The following TEX14 variants were observed in gnomAD, a reference collection of about 807,000 sequenced individuals.
TEX14 encodes inactive serine/threonine-protein kinase TEX14.
TEX14 carries 168 observed loss-of-function variants against 178.6 expected under a neutral mutation model. The observed-to-expected ratio is 0.94, with a 90% CI of 0.83 to 1.07. TEX14 has a LOEUF of 1.07. Among genes scored for constraint, TEX14 ranks in the 50% least tolerant of loss-of-function variants. TEX14 has a pLI of 0.00. For missense variants in TEX14, 1,730 were observed against 1,753.6 expected (o/e 0.99, Z 0.24); for synonymous variants, 626 against 634.1 (o/e 0.99, Z 0.19).
chr17:58,566,349 G>A (rs2044397991), intron 26 of TEX14, among the ~76,000 whole-genome samples: 1 of 152,142 alleles, frequency 6.6e-6, no homozygotes, highest in Non-Finnish European at 1.5e-5. Context: ...GACAGTAAGT[G>A]GTAAAATTGG....
intron 19 of TEX14, among the ~76,000 whole-genome samples, chr17:58,581,317 T>TAA (rs879540710): frequency 7.5e-6 from 1 of 132,736 alleles, no homozygotes; most frequent in African/African-American, 2.8e-5. Context: ...TCTCAAAAAT[T>TAA]AAAAAAAAAA....
chr17:58,570,435 G>T lies in TEX14; in HGVS notation c.3767C>A (p.Ala1256Glu), dbSNP rs753025121. The part of the protein sequence containing the change: ...IGAGSPSLVK[A>E]CDSSPPHATQ... ...GGCATGGGGTGGTGATGAGTCACAT[G>T]CCTTAACAAGGCTGGGGGATCCAGC... is the stretch of plus-strand genomic sequence containing the variant. The change falls in exon 25 of 32, where the codon GCA becomes GAA. Residue 1256 changes from alanine to glutamate, a missense_variant. By Grantham distance (107) the Ala-to-Glu change is moderately radical. Transcript: ENST00000349033. 2 of 1,523,602 alleles carry T rather than the reference G, an allele frequency of 1.3e-6. No individual in the cohort carries two copies. Among genetic ancestry groups the T allele is most frequent in the African/African-American group, 1.5e-5 (1 of 68,562 alleles). 94.4% of individuals were successfully genotyped at this position (1,523,602 alleles called of 1,614,324 possible). A position where few individuals can be genotyped will look rare whatever the true frequency, so the allele number is the denominator to read the frequency against.
intron 14 of TEX14, 65 bp from the exon 15 acceptor site, chr17:58,593,726 A>G: frequency 7.5e-7 from 1 of 1,328,526 alleles, no homozygotes; most frequent in Non-Finnish European, 1.1e-6. Flanking sequence ...TCACTGTCAC[A>G]CTATTTTCAA....
At chr17:58,583,376 C>T (rs989091131) in intron 19 of TEX14, among the ~76,000 whole-genome samples, 2 of 152,140 alleles carry the variant, frequency 1.3e-5, no homozygotes, top group African/African-American at 4.8e-5. Context: ...AGCAATCTGC[C>T]CACCTTGGCC....
At chr17:58,684,170 T>C (rs533373772) in intron 1 of TEX14, among the ~76,000 whole-genome samples, 2 of 148,982 alleles carry the variant, frequency 1.3e-5, no homozygotes, top group South Asian at 4.2e-4. Flanking sequence ...GAAAAAAAAA[T>C]GCTTCCGCCC....
rs781307975 is a variant in TEX14 at position 58,611,171 on chromosome 17, T to C, written c.1174A>G (p.Met392Val). The change falls in exon 10 of 32, where the codon ATG becomes GTG. Residue 392 changes from methionine (M) to valine (V), a missense_variant. Physicochemically the swap from Met to Val is conservative, Grantham distance 21. This residue lies in a region of TEX14 where 789 missense variants were observed against 681.2 expected (regional missense o/e 1.16). Transcript: ENST00000349033. The stretch of plus-strand genomic sequence containing the variant: ...CCATGTTATGCCCACCTTTCCAACA[T>C]GTACTCCAGGTTGGTCAGCCTCGCT... The part of the protein sequence containing the change: ...GEARLTNLEY[M>V]LESEDRGVQR... 22 of 1,613,258 alleles carry C rather than the reference T, an allele frequency of 1.4e-5. No homozygotes were observed. The highest frequency in any genetic ancestry group is 1.2e-4 in the African/African-American group (9 of 74,874).
At position 58,574,285 on chromosome 17, in the gene TEX14, C is replaced by A. The variant is rs1163413068; in HGVS notation, c.3321-36G>T. On this transcript the variant is annotated intron_variant, in intron 21 of 31. Coordinates refer to ENST00000349033, the MANE Select transcript of TEX14 (RefSeq NM_031272.5). ...GAAAGTAAGAAAATTACATAAATCCCCTCTGTGAACAAAGTACACTAACTA... is the reference window on the plus strand; with the variant it reads ...GAAAGTAAGAAAATTACATAAATCCACTCTGTGAACAAAGTACACTAACTA... The A allele has an allele frequency of 2.6e-6, 4 of 1,530,156 alleles. No individual in the cohort carries two copies. The South Asian group carries it at 4.5e-5, about 17-fold the overall frequency. The allele number at this position is 1,530,156 out of a possible 1,614,324, so 94.8% of individuals were successfully genotyped here. A position where few individuals can be genotyped will look rare whatever the true frequency, so the allele number is the denominator to read the frequency against.
chr17:58,682,696 T>C (rs1392267833), intron 1 of TEX14, among the ~76,000 whole-genome samples: 1 of 152,334 alleles, frequency 6.6e-6, no homozygotes, highest in South Asian at 2.1e-4. Flanking sequence ...GAGTCTTAAG[T>C]GGCTCATGAA....
At chr17:58,659,684 A>T (rs2047066983) in intron 1 of TEX14, among the ~76,000 whole-genome samples, 1 of 152,154 alleles carries the variant, frequency 6.6e-6, no homozygotes, top group South Asian at 2.1e-4. Flanking sequence ...AATAGAAGTA[A>T]CTTTTGTTAT....
intron 29 of TEX14, among the ~76,000 whole-genome samples, chr17:58,559,852 C>T (rs897542006): frequency 2.0e-5 from 3 of 152,210 alleles, no homozygotes; most frequent in Admixed American, 1.3e-4. Context: ...TAGAGCTAGA[C>T]TCTGACCTTA....
chr17:58,565,745 AC>A lies in TEX14; in HGVS notation c.3964+1del. The A allele has an allele frequency of 6.2e-7, 1 of 1,604,222 alleles. No homozygotes were observed. The highest frequency in any genetic ancestry group is 8.5e-7 in the Non-Finnish European group (1 of 1,174,076). Reference sequence around the variant, plus strand: ...TGAAAACAATCTAGGTAGTTCACTTACCATTTGCAGTGCCTCCTCCATCACT... The same window carrying A: ...TGAAAACAATCTAGGTAGTTCACTTACATTTGCAGTGCCTCCTCCATCACT... On this transcript the variant is annotated splice_donor_variant, in intron 27 of 31. Transcript: ENST00000349033. LOFTEE classifies it high-confidence loss of function.
At chr17:58,586,205 G>A in intron 17 of TEX14, 123 bp from the exon 18 acceptor site, 1 of 1,092,234 alleles carries the variant, frequency 9.2e-7, no homozygotes, top group Non-Finnish European at 1.3e-6. Context: ...TTTTACAGTT[G>A]CATCATCCTT....
At chr17:58,574,077 A>G in intron 22 of TEX14, 110 bp downstream of exon 22, 1 of 884,616 alleles carries the variant, frequency 1.1e-6, no homozygotes, top group Non-Finnish European at 1.8e-6. Context: ...GCATACTCAC[A>G]TTAAGTCTAC....
chr17:58,675,857 C>T (rs960913762), intron 1 of TEX14, among the ~76,000 whole-genome samples: 14 of 152,144 alleles, frequency 9.2e-5, no homozygotes, highest in African/African-American at 2.7e-4. Context: ...TCCAAAGGTA[C>T]GGTGATTACA....
intron 16 of TEX14, 24 bp from the exon 17 acceptor site, chr17:58,587,690 G>A (rs763218239): frequency 1.6e-4 from 241 of 1,542,048 alleles, no homozygotes; most frequent in Non-Finnish European, 1.9e-4. Context: ...GTTTTTTGGA[G>A]GTAGGGGGAG....
intron 21 of TEX14, among the ~76,000 whole-genome samples, chr17:58,575,228 C>A (rs1459098715): frequency 2.0e-5 from 3 of 151,732 alleles, no homozygotes; most frequent in Non-Finnish European, 4.4e-5. Flanking sequence ...GATTCTCCTG[C>A]CTCAGCCTCC....
At chr17:58,657,577 G>GA (rs1012265148) in intron 1 of TEX14, among the ~76,000 whole-genome samples, 36 of 136,178 alleles carry the variant, frequency 2.6e-4, no homozygotes, top group African/African-American at 1.0e-3. Context: ...TGCAGTTGTG[G>GA]AATCTCGGCT....
intron 1 of TEX14, among the ~76,000 whole-genome samples, chr17:58,665,611 C>CA (rs981066319): frequency 6.0e-5 from 9 of 151,172 alleles, no homozygotes; most frequent in Non-Finnish European, 1.3e-4. Flanking sequence ...AAACAAAAAA[C>CA]AAAAAAACCC....
intron 3 of TEX14, among the ~76,000 whole-genome samples, chr17:58,628,711 CAAA>C (rs551353417): frequency 7.4e-6 from 1 of 135,550 alleles, no homozygotes. Flanking sequence ...GACTCTGTCT[CAAA>C]AAAAAAAAAA....
Sources: allele counts gnomAD v4.1 joint callset (sites outside exome capture counted in the v4.1 genomes callset), GRCh38; gene constraint gnomAD v4.1.1; regional missense constraint gnomAD v4.1.1; transcripts MANE v1.5; gene names NCBI Gene and HGNC (gene_info 2026-07-23, HGNC 2026-07-21).